The following FAM91A1 variants were observed in gnomAD, a reference collection of about 807,000 sequenced individuals.
FAM91A1 encodes family with sequence similarity 91 member A1.
A neutral mutation model predicts 113.5 loss-of-function variants in FAM91A1; 41 were observed. The ratio of observed to expected loss-of-function variants is 0.36; its 90% confidence interval spans 0.28 to 0.47. FAM91A1 has a LOEUF of 0.47. Ranked by LOEUF, FAM91A1 falls within the 20% of genes least tolerant of loss-of-function variation. FAM91A1 has a pLI of 1.00. For synonymous variants in FAM91A1, 307 were observed against 347.9 expected (o/e 0.88, Z 1.31); for missense variants, 696 against 1,001.2 (o/e 0.70, Z 4.11).
chr8:123,779,032 C>T (rs933175864), intron 6 of FAM91A1, among the ~76,000 whole-genome samples: 16 of 152,152 alleles, frequency 1.1e-4, no homozygotes, highest in Non-Finnish European at 2.2e-4. Flanking sequence ...TGTAAAGTAA[C>T]ATGATGCCAC....
intron 3 of FAM91A1, among the ~76,000 whole-genome samples, chr8:123,776,778 T>C (rs1814993687): frequency 6.6e-6 from 1 of 152,154 alleles, no homozygotes; most frequent in East Asian, 1.9e-4. Context: ...GAGAAACAGA[T>C]TGGGGCAGAA....
chr8:123,805,367 T>C (rs1228518175), intron 19 of FAM91A1, 28 bp downstream of exon 19: 1 of 1,057,894 alleles, frequency 9.5e-7, no homozygotes, highest in African/African-American at 2.6e-5. Context: ...TCTATTGACT[T>C]TTTTTTTTTT....
intron 8 of FAM91A1, among the ~76,000 whole-genome samples, chr8:123,781,544 T>C (rs1197970210): frequency 6.6e-6 from 1 of 151,324 alleles, no homozygotes; most frequent in Non-Finnish European, 1.5e-5. Context: ...GTGGCATGAT[T>C]TTGGCTCACT....
At position 123,814,481 on chromosome 8, in the gene FAM91A1, AGTT is replaced by A. The variant is rs1445683242; in HGVS notation, c.*1782_*1784del. On this transcript the variant is annotated 3_prime_UTR_variant, in exon 24 of 24. Transcript: ENST00000334705. Reference sequence around the variant, plus strand: ...CACTAATACAGAATTGAACATTTGTAGTTGTTGGCAGTGAACCCAGTTGTTGGT... The same window carrying A: ...CACTAATACAGAATTGAACATTTGTAGTTGGCAGTGAACCCAGTTGTTGGT... 1 of 158,822 alleles carries A rather than the reference AGTT, an allele frequency of 6.3e-6. No homozygotes were observed. Among genetic ancestry groups the A allele is most frequent in the African/African-American group, 2.4e-5 (1 of 41,472 alleles). The allele number at this position is 158,822 out of a possible 1,614,324, so 9.8% of individuals were successfully genotyped here.
chr8:123,774,243 A>G, intron 2 of FAM91A1, 79 bp downstream of exon 2: 5 of 1,111,512 alleles, frequency 4.5e-6, no homozygotes, highest in Non-Finnish European at 2.6e-6. Flanking sequence ...TTCAATACAT[A>G]TTTCATAGTA....
In FAM91A1 at chr8:123,814,215, A is replaced by T. The variant is rs576518756; in HGVS notation, c.*1511A>T. The T allele has an allele frequency of 1.5e-4, 55 of 377,600 alleles. No homozygotes were observed. The highest frequency in any genetic ancestry group is 1.0e-3 in the African/African-American group (47 of 44,986). 23.4% of individuals were successfully genotyped at this position (377,600 alleles called of 1,614,324 possible). A position where few individuals can be genotyped will look rare whatever the true frequency, so the allele number is the denominator to read the frequency against. Reference sequence around the variant, plus strand: ...TTTGTCTATAAAAGAAAAAATACTAATATTAAATAATTTCTTACGACTCTG... The same window carrying T: ...TTTGTCTATAAAAGAAAAAATACTATTATTAAATAATTTCTTACGACTCTG... On this transcript the variant is annotated 3_prime_UTR_variant, in exon 24 of 24. Transcript: ENST00000334705.
chr8:123,775,839 C>T (rs1292750543), intron 3 of FAM91A1, among the ~76,000 whole-genome samples: 4 of 152,012 alleles, frequency 2.6e-5, no homozygotes, highest in African/African-American at 4.8e-5. Flanking sequence ...GTGGTGTGCA[C>T]CTGTAATCCT....
At chr8:123,804,954 A>G (rs560543860) in intron 18 of FAM91A1, among the ~76,000 whole-genome samples, 1 of 152,322 alleles carries the variant, frequency 6.6e-6, no homozygotes, top group Middle Eastern at 3.4e-3. Context: ...TCAGAACTCT[A>G]GCTAACCTTT....
intron 3 of FAM91A1, among the ~76,000 whole-genome samples, chr8:123,776,449 C>T (rs539080024): frequency 2.0e-5 from 3 of 152,322 alleles, no homozygotes; most frequent in South Asian, 2.1e-4. Context: ...CCATGCATCC[C>T]GTGTTCCTCT....
At chr8:123,775,930 A>C (rs985589117) in intron 3 of FAM91A1, among the ~76,000 whole-genome samples, 2 of 152,166 alleles carry the variant, frequency 1.3e-5, no homozygotes, top group Admixed American at 1.3e-4. Flanking sequence ...GCGCCACTGC[A>C]CTCCAGCCTG....
In FAM91A1 at chr8:123,775,241, T is replaced by G. The variant is rs762008355; in HGVS notation, c.252T>G (p.Asp84Glu). ...TGCTGTACCCTTACCATCTATCGGA[T>G]ATTATGGTGAAAGGCTTGAGGATAA... ...HLMLYPYHLS[D>E]IMVKGLRITP... The change falls in exon 3 of 24, where the codon GAT becomes GAG. Residue 84 changes from aspartate (D) to glutamate (E), a missense_variant. Physicochemically the swap from Asp to Glu is conservative, Grantham distance 45. Transcript: ENST00000334705. The G allele has an allele frequency of 6.2e-7, 1 of 1,613,888 alleles. No individual in the cohort carries two copies. The highest frequency in any genetic ancestry group is 8.5e-7 in the Non-Finnish European group (1 of 1,179,944).
At chr8:123,808,529 A>G (rs1381198274) in intron 21 of FAM91A1, among the ~76,000 whole-genome samples, 153 bp downstream of exon 21, 1 of 152,242 alleles carries the variant, frequency 6.6e-6, no homozygotes, top group Non-Finnish European at 1.5e-5. Flanking sequence ...ACTTAGAAAA[A>G]TAATTCAAGT....
At chr8:123,768,887 T>A in intron 1 of FAM91A1, 113 bp downstream of exon 1, 1 of 1,069,820 alleles carries the variant, frequency 9.3e-7, no homozygotes, top group African/African-American at 1.6e-5. Flanking sequence ...TCCCTTCCTT[T>A]ACTCCTCCGT....
intron 1 of FAM91A1, 53 bp from the exon 2 acceptor site, chr8:123,774,027 G>A: frequency 7.1e-7 from 1 of 1,412,546 alleles, no homozygotes. Context: ...GGAAAAAATA[G>A]TACTATTGTT....
At chr8:123,789,866 A>G in intron 15 of FAM91A1, 121 bp downstream of exon 15, 1 of 1,158,554 alleles carries the variant, frequency 8.6e-7, no homozygotes, top group Non-Finnish European at 1.2e-6. Flanking sequence ...TAGCATATTG[A>G]ATTTATAACT....
At chr8:123,772,323 G>T (rs983337978) in intron 1 of FAM91A1, among the ~76,000 whole-genome samples, 3 of 152,328 alleles carry the variant, frequency 2.0e-5, no homozygotes, top group African/African-American at 7.2e-5. Flanking sequence ...GCTTGTTTGA[G>T]TATGCATGTG....
chr8:123,781,933 A>G (rs898091653), intron 8 of FAM91A1, among the ~76,000 whole-genome samples: 21 of 152,352 alleles, frequency 1.4e-4, no homozygotes, highest in Admixed American at 1.4e-3. Flanking sequence ...GGTGGCCGTG[A>G]TTTCCTGTCA....
chr8:123,805,365 C>CTTTTTTTTTTTTTTTTT, intron 19 of FAM91A1, 26 bp downstream of exon 19: 1 of 1,257,276 alleles, frequency 8.0e-7, no homozygotes, highest in Non-Finnish European at 1.1e-6. Flanking sequence ...TATCTATTGA[C>CTTTTTTTTTTTTTTTTT]TTTTTTTTTT....
At chr8:123,798,403 G>A (rs945524188) in intron 16 of FAM91A1, among the ~76,000 whole-genome samples, 165 bp downstream of exon 16, 1 of 151,966 alleles carries the variant, frequency 6.6e-6, no homozygotes, top group Non-Finnish European at 1.5e-5. Flanking sequence ...GAGTGTAATT[G>A]GTATATTTTA....
Sources: allele counts gnomAD v4.1 joint callset (sites outside exome capture counted in the v4.1 genomes callset), GRCh38; gene constraint gnomAD v4.1.1; transcripts MANE v1.5; gene names NCBI Gene and HGNC (gene_info 2026-07-23, HGNC 2026-07-21).